The following EPHA6 variants were observed in gnomAD, a reference collection of about 807,000 sequenced individuals.
The protein encoded by EPHA6 is ephrin type-A receptor 6.
In EPHA6, 50 loss-of-function variants were observed where a neutral mutation model predicts 112.0. The ratio of observed to expected loss-of-function variants is 0.45; its 90% CI spans 0.36 to 0.56. EPHA6 has a LOEUF of 0.56. Ranked by LOEUF, EPHA6 falls within the 20% of genes least tolerant of loss-of-function variation. The pLI is 0.00. For missense variants in EPHA6, 1,280 were observed against 1,417.4 expected (o/e 0.90, Z 1.56); for synonymous variants, 529 against 490.7 (o/e 1.08, Z -1.03).
At chr3:97,648,603 A>G in intron 14 of EPHA6, 1 of 1,150,044 alleles carries the variant, frequency 8.7e-7, no homozygotes, top group South Asian at 4.1e-5. Flanking sequence ...ACTTTCATTA[A>G]CATGAGTAAA....
intron 7 of EPHA6, 138 bp downstream of exon 7, chr3:97,448,868 T>A: frequency 1.3e-6 from 1 of 744,846 alleles, no homozygotes; most frequent in Non-Finnish European, 2.2e-6. Flanking sequence ...ACTCATACAG[T>A]CATTTCAGTT....
intron 5 of EPHA6, among the ~76,000 whole-genome samples, chr3:97,402,907 A>G (rs1206473328): frequency 6.6e-6 from 1 of 152,190 alleles, no homozygotes; most frequent in Admixed American, 6.5e-5. Context: ...TAAAATGCCA[A>G]ACTTTTAATA....
Position 97,484,932 on chromosome 3 carries a change from A to G in EPHA6, c.2200+873A>G, listed in dbSNP as rs141517929. Among the ~76,000 whole-genome samples, 8 of 152,350 alleles carry G rather than the reference A, an allele frequency of 5.3e-5. No individual in the cohort carries two copies. The East Asian group carries it at 7.7e-4, about 15-fold the overall frequency. ...TTCCAAACACAGTATTCACATCTCA[A>G]TGGTCCAAATAACAATAACATGGAC... is the stretch of plus-strand genomic sequence containing the variant. On this transcript the variant is annotated intron_variant, in intron 10 of 17. Transcript: ENST00000389672.
intron 3 of EPHA6, among the ~76,000 whole-genome samples, chr3:97,175,658 G>T (rs2076816719): frequency 6.6e-6 from 1 of 151,572 alleles, no homozygotes; most frequent in Non-Finnish European, 1.5e-5. Context: ...TATTGTAAAT[G>T]TAATTACTTT....
intron 7 of EPHA6, among the ~76,000 whole-genome samples, chr3:97,474,920 A>G (rs2091326385): frequency 6.6e-6 from 1 of 152,082 alleles, no homozygotes. Flanking sequence ...CTTAAAAGGA[A>G]TTATACAGTA....
intron 11 of EPHA6, among the ~76,000 whole-genome samples, chr3:97,579,193 T>A (rs1054364016): frequency 2.6e-4 from 40 of 152,348 alleles, no homozygotes; most frequent in African/African-American, 7.2e-4. Flanking sequence ...TTTTTCTTTC[T>A]TGAAAGTACC....
rs1309358251 is a variant in EPHA6 at position 96,991,981 on chromosome 3, AGCCCAGTTCT to A, written c.1114+3991_1114+4000del. On this transcript the variant is annotated intron_variant, in intron 3 of 17. Transcript: ENST00000389672. Reference sequence around the variant, plus strand: ...GGGGCAGAGAATGTTTTCTGATTAGAGCCCAGTTCTGCTCCCTGTGATTGGTTCCCTGTGT... The same window carrying A: ...GGGGCAGAGAATGTTTTCTGATTAGAGCTCCCTGTGATTGGTTCCCTGTGT... Among the ~76,000 whole-genome samples the A allele has an allele frequency of 9.2e-5, 14 of 152,214 alleles. No individual in the cohort carries two copies. The East Asian group carries it at 2.1e-3, about 23-fold the overall frequency.
intron 3 of EPHA6, among the ~76,000 whole-genome samples, chr3:97,062,744 T>C (rs2046061505): frequency 1.3e-5 from 2 of 152,196 alleles, no homozygotes; most frequent in Admixed American, 6.5e-5. Flanking sequence ...CCTGTCACCA[T>C]GTAAGGTGTG....
At chr3:97,057,964 AT>A (rs1374575601) in intron 3 of EPHA6, among the ~76,000 whole-genome samples, 1 of 151,980 alleles carries the variant, frequency 6.6e-6, no homozygotes, top group Non-Finnish European at 1.5e-5. Context: ...TTGCATTCTC[AT>A]TTTTTTCCTA....
chr3:97,265,308 T>C (rs1327453819), intron 5 of EPHA6, among the ~76,000 whole-genome samples: 1 of 152,188 alleles, frequency 6.6e-6, no homozygotes, highest in African/African-American at 2.4e-5. Context: ...CCGTCCTCCA[T>C]GGCTCCCAGG....
At chr3:97,479,418 G>C (rs2091468168) in intron 9 of EPHA6, 54 bp downstream of exon 9, 7 of 1,235,818 alleles carry the variant, frequency 5.7e-6, no homozygotes, top group Admixed American at 2.5e-5. Flanking sequence ...AGCACTTCAG[G>C]AGTTCATTCA....
intron 13 of EPHA6, among the ~76,000 whole-genome samples, chr3:97,624,515 G>GT (rs2093839880): frequency 6.6e-6 from 1 of 151,480 alleles, no homozygotes; most frequent in Non-Finnish European, 1.5e-5. Flanking sequence ...TAATGTGGGG[G>GT]TTTTTTGTAG....
At chr3:97,388,988 T>C (rs2086240577) in intron 5 of EPHA6, among the ~76,000 whole-genome samples, 1 of 152,122 alleles carries the variant, frequency 6.6e-6, no homozygotes, top group African/African-American at 2.4e-5. Flanking sequence ...TGTTAGTTGA[T>C]AGCTGTTGTG....
At chr3:97,716,339 C>T (rs1012303653) in intron 14 of EPHA6, among the ~76,000 whole-genome samples, 3 of 124,766 alleles carry the variant, frequency 2.4e-5, no homozygotes, top group Non-Finnish European at 4.5e-5. Flanking sequence ...GAGGCCGAGG[C>T]GGGTGGATCA....
At chr3:97,471,134 A>T (rs1007266896) in intron 7 of EPHA6, among the ~76,000 whole-genome samples, 8 of 151,738 alleles carry the variant, frequency 5.3e-5, no homozygotes, top group Non-Finnish European at 3.0e-5. Context: ...AGGTAACTTC[A>T]TGGTTTGCTT....
chr3:96,906,779 G>A (rs2038956679), intron 2 of EPHA6, among the ~76,000 whole-genome samples: 1 of 151,970 alleles, frequency 6.6e-6, no homozygotes, highest in Non-Finnish European at 1.5e-5. Flanking sequence ...TCTAGAAAAG[G>A]CCTAGAATTT....
intron 11 of EPHA6, among the ~76,000 whole-genome samples, chr3:97,556,010 C>G (rs2093103760): frequency 6.6e-6 from 1 of 151,976 alleles, no homozygotes; most frequent in Non-Finnish European, 1.5e-5. Flanking sequence ...TTACTGAGCT[C>G]TAATACACCA....
intron 3 of EPHA6, among the ~76,000 whole-genome samples, chr3:97,216,360 AT>A (rs1423711594): frequency 2.6e-5 from 4 of 152,158 alleles, no homozygotes; most frequent in Non-Finnish European, 4.4e-5. Context: ...TTCATGAGGA[AT>A]CCACCTCCAT....
intron 2 of EPHA6, among the ~76,000 whole-genome samples, chr3:96,952,262 C>T (rs1310837290): frequency 1.3e-5 from 2 of 152,150 alleles, no homozygotes; most frequent in East Asian, 3.8e-4. Context: ...AACTTACTTT[C>T]TGCTATAGTT....
Sources: gnomAD v4.1 joint callset for allele counts (sites outside exome capture counted in the v4.1 genomes callset) on GRCh38, gnomAD v4.1.1 for gene constraint, MANE v1.5 for transcripts, NCBI Gene and HGNC (gene_info 2026-07-23, HGNC 2026-07-21) for gene names.